The following MED13 variants were observed in gnomAD, a reference collection of about 807,000 sequenced individuals.
MED13 encodes the protein mediator of RNA polymerase II transcription subunit 13.
MED13 carries 23 observed loss-of-function variants against 225.2 expected under a neutral mutation model. The observed-to-expected ratio is 0.10, with a 90% CI of 0.07 to 0.14. MED13 has a LOEUF of 0.14. MED13 is among the 10% of genes least tolerant of loss of function. The pLI is 1.00. For synonymous variants in MED13, 942 were observed against 889.2 expected (o/e 1.06, Z -1.06); for missense variants, 2,197 against 2,594.5 (o/e 0.85, Z 3.33).
chr17:62,048,049 T>TATACATATACATATAC (rs1568000986), intron 3 of MED13, among the ~76,000 whole-genome samples: 1 of 112,770 alleles, frequency 8.9e-6, no homozygotes, highest in Non-Finnish European at 1.6e-5. Flanking sequence ...TATACATATA[T>TATACATATACATATAC]ATATATATAT....
intron 3 of MED13, chr17:62,036,784 G>A (rs1333610076): frequency 1.3e-5 from 2 of 152,146 alleles, no homozygotes; most frequent in African/African-American, 2.4e-5. Context: ...GATAGAACAA[G>A]AAATAGAAAT....
At chr17:61,955,347 T>C (rs1306419908) in intron 26 of MED13, 35 bp downstream of exon 26, 2 of 1,444,570 alleles carry the variant, frequency 1.4e-6, no homozygotes, top group Non-Finnish European at 1.8e-6. Context: ...TTGGGGGGTA[T>C]TCTTCAGACT....
chr17:61,962,964 C>G lies in MED13; in HGVS notation c.4852G>C (p.Asp1618His), dbSNP rs200976941. The G allele has an allele frequency of 5.6e-6, 9 of 1,613,708 alleles. No individual in the cohort carries two copies. Among genetic ancestry groups the G allele is most frequent in the African/African-American group, 2.7e-5 (2 of 74,832 alleles). ...PHPDVSESTM[D>H]RDKVGIPTDG... is the part of the protein sequence containing the mutation. Reference sequence around the variant, plus strand: ...GTGGGGATTCCCACTTTATCCCGATCCATCGTGCTAAAATTTAAGGTAGAA... The same window carrying G: ...GTGGGGATTCCCACTTTATCCCGATGCATCGTGCTAAAATTTAAGGTAGAA... Residue 1618 changes from aspartate (D) to histidine (H), a missense_variant, in exon 21 of 30, where the codon GAT becomes CAT. Coordinates refer to ENST00000397786, the MANE Select transcript of MED13 (RefSeq NM_005121.3).
chr17:61,946,262 G>T lies in MED13; in HGVS notation c.*206C>A. 1.9e-6 allele frequency: 1 copy of T among 517,118 alleles called. No homozygotes were observed. The highest frequency in any genetic ancestry group is 3.3e-6 in the Non-Finnish European group (1 of 302,026). The allele number at this position is 517,118 out of a possible 1,614,324, so 32.0% of individuals were successfully genotyped here. The stretch of plus-strand genomic sequence containing the variant: ...TGTTATAATACGTTTTGTATGATCA[G>T]TCATCATCCTAAAGAGTTCAATAGA... On this transcript the variant is annotated 3_prime_UTR_variant, in exon 30 of 30. Transcript: ENST00000397786.
chr17:62,046,361 C>A (rs535697064), intron 3 of MED13, among the ~76,000 whole-genome samples: 1 of 152,210 alleles, frequency 6.6e-6, no homozygotes, highest in East Asian at 1.9e-4. Flanking sequence ...GTTATTATAC[C>A]ACAACTATGG....
At position 61,965,141 on chromosome 17, in the gene MED13, C is replaced by A. The variant is rs752594053; in HGVS notation, c.4709G>T (p.Gly1570Val). The A allele has an allele frequency of 2.5e-5, 40 of 1,613,954 alleles. No individual in the cohort carries two copies. In the South Asian group the frequency reaches 3.7e-4, roughly 15 times the overall value. The change falls in exon 20 of 30, where the codon GGA becomes GTA. Residue 1570 changes from glycine (G) to valine (V), a missense_variant. By Grantham distance (109) the Gly-to-Val change is moderately radical. Around this residue, in one of 12 missense-constraint regions of MED13, gnomAD observed 457 missense variants for 442.2 expected, o/e 1.03. Transcript: ENST00000397786. ...PFGSMNSNAA[G>V]SMSTQANTVQ... The stretch of plus-strand genomic sequence containing the variant: ...TGTATTTGCTTGTGTAGACATGGAT[C>A]CTGCAGCATTACTGTTCATACTGCC...
At position 61,971,656 on chromosome 17, in the gene MED13, G is replaced by A. The variant is rs150958199; in HGVS notation, c.3967+1071C>T. 5.3e-3 allele frequency among the ~76,000 whole-genome samples: 806 copies of A among 152,188 alleles called. 8 individuals are homozygous for A. Among genetic ancestry groups the A allele is most frequent in the South Asian group, 7.3e-3 (35 of 4,818 alleles). ...TTATACTAAAATATATTTTCTGGCC[G>A]GGCACAGTGGCTCATGCCTGTAATC... On this transcript the variant is annotated intron_variant, in intron 17 of 29. Coordinates refer to ENST00000397786, the MANE Select transcript of MED13 (RefSeq NM_005121.3).
intron 17 of MED13, among the ~76,000 whole-genome samples, chr17:61,971,082 T>A (rs1011895908): frequency 2.6e-5 from 4 of 152,056 alleles, no homozygotes; most frequent in Admixed American, 1.3e-4. Context: ...ATCTGTGCAT[T>A]ACTGAAAAGT....
chr17:62,064,121 G>A (rs1038392564), intron 1 of MED13, among the ~76,000 whole-genome samples: 9 of 152,188 alleles, frequency 5.9e-5, no homozygotes, highest in Non-Finnish European at 1.3e-4. Context: ...GTTTACACTT[G>A]CCAACTAGTT....
chr17:61,972,138 C>A lies in MED13; in HGVS notation c.3967+589G>T, dbSNP rs75404983. Among the ~76,000 whole-genome samples the A allele has an allele frequency of 5.5e-4, 83 of 152,208 alleles. No homozygotes were observed. The East Asian group carries it at 0.015, about 28-fold the overall frequency. On this transcript the variant is annotated intron_variant, in intron 17 of 29. Coordinates refer to ENST00000397786, the MANE Select transcript of MED13 (RefSeq NM_005121.3). ...AAAAGTCAAAGATTTCAAGACGTAT[C>A]ATTCCAAATATATCTGAAAAACTCC...
chr17:61,972,244 A>C (rs1380980612), intron 17 of MED13, among the ~76,000 whole-genome samples: 1 of 152,216 alleles, frequency 6.6e-6, no homozygotes, highest in Non-Finnish European at 1.5e-5. Context: ...AGCTGACAAT[A>C]AATCTGCATA....
At chr17:62,009,489 A>C (rs1319869899) in intron 9 of MED13, among the ~76,000 whole-genome samples, 1 of 152,258 alleles carries the variant, frequency 6.6e-6, no homozygotes, top group Non-Finnish European at 1.5e-5. Flanking sequence ...GCTCAATCTC[A>C]CTAGAAATCT....
At position 62,055,673 on chromosome 17, in the gene MED13, C is replaced by T. The variant is rs567115408; in HGVS notation, c.302-2968G>A. Among the ~76,000 whole-genome samples the T allele has an allele frequency of 3.3e-5, 5 of 151,778 alleles. No homozygotes were observed. In the South Asian group the frequency reaches 1.0e-3, roughly 32 times the overall value. On this transcript the variant is annotated intron_variant, in intron 2 of 29. Coordinates refer to ENST00000397786, the MANE Select transcript of MED13 (RefSeq NM_005121.3). ...CCCCATCTCTACTAAAAATACAAAA[C>T]TTAGCTGGGCGAGATGGCATGCACC... is the stretch of plus-strand genomic sequence containing the variant.
At chr17:62,025,998 A>T (rs2080698161) in intron 8 of MED13, among the ~76,000 whole-genome samples, 1 of 152,226 alleles carries the variant, frequency 6.6e-6, no homozygotes, top group Non-Finnish European at 1.5e-5. Flanking sequence ...TCAAACCAAC[A>T]GAGCAAATGT....
Position 61,987,042 on chromosome 17 carries a change from C to T in MED13, c.2350G>A (p.Asp784Asn). 1 of 1,599,734 alleles carries T rather than the reference C, an allele frequency of 6.3e-7. No homozygotes were observed. Among genetic ancestry groups the T allele is most frequent in the Non-Finnish European group, 8.5e-7 (1 of 1,172,452 alleles). ...TCTTCATCAGAATTGAAGAGATTAT[C>T]AAGGTCAGTATAAGAGACAGCCAGG... is the stretch of plus-strand genomic sequence containing the variant. ...SDLAVSYTDLDNLFNSDEDEL... is the reference protein window; with the variant it reads ...SDLAVSYTDLNNLFNSDEDEL... Residue 784 changes from aspartate to asparagine, a missense_variant, in exon 12 of 30, where the codon GAT (aspartate) becomes AAT (asparagine). Physicochemically the swap from Asp to Asn is conservative, Grantham distance 23 (BLOSUM62 1). This residue lies in a region of MED13 where 41 missense variants were observed against 55.8 expected (regional missense o/e 0.73). Transcript: ENST00000397786.
intron 12 of MED13, 23 bp downstream of exon 12, chr17:61,986,984 C>A: frequency 2.0e-6 from 3 of 1,463,802 alleles, no homozygotes; most frequent in Non-Finnish European, 1.8e-6. Context: ...AATTATAATC[C>A]TATTCATTAA....
chr17:61,954,968 C>G (rs556586635), intron 26 of MED13, among the ~76,000 whole-genome samples: 1 of 152,116 alleles, frequency 6.6e-6, no homozygotes, highest in East Asian at 1.9e-4. Flanking sequence ...AAATCAGTTT[C>G]GTTGGACTGC....
At chr17:61,998,925 C>CTTTTTTTTTTTTTTT (rs10617153) in intron 9 of MED13, among the ~76,000 whole-genome samples, 1 of 103,864 alleles carries the variant, frequency 9.6e-6, no homozygotes. Context: ...TTAAATGGTA[C>CTTTTTTTTTTTTTTT]TTTTTTTTTT....
intron 28 of MED13, among the ~76,000 whole-genome samples, chr17:61,948,247 T>C (rs548021097): frequency 6.6e-6 from 1 of 152,204 alleles, no homozygotes; most frequent in East Asian, 1.9e-4. Flanking sequence ...GTATGGTAAA[T>C]TATGCCTTAG....
Sources: allele counts gnomAD v4.1 joint callset (sites outside exome capture counted in the v4.1 genomes callset), GRCh38; gene constraint gnomAD v4.1.1; regional missense constraint gnomAD v4.1.1; transcripts MANE v1.5; gene names NCBI Gene and HGNC (gene_info 2026-07-23, HGNC 2026-07-21).